Variants in BMAL1 observed in about 807,000 individuals in gnomAD.
The protein encoded by BMAL1 is basic helix-loop-helix ARNT like 1.
chr11:13,336,375 A>G, the BMAL1 span, among the ~76,000 whole-genome samples: 1 of 152,108 alleles, frequency 6.6e-6, no homozygotes, highest in Admixed American at 6.5e-5. Flanking sequence ...CTCTTTACTA[A>G]GTTTGTTTTG....
the BMAL1 span, among the ~76,000 whole-genome samples, chr11:13,314,965 A>G: frequency 6.6e-5 from 10 of 151,648 alleles, no homozygotes; most frequent in African/African-American, 2.4e-4. Context: ...TAGCATATAA[A>G]CTCTCCTGTT....
chr11:13,311,306 G>A, the BMAL1 span, among the ~76,000 whole-genome samples: 2 of 152,180 alleles, frequency 1.3e-5, no homozygotes, highest in Non-Finnish European at 2.9e-5. Flanking sequence ...GGGCTGAGCT[G>A]TGGGGAATAT....
the BMAL1 span, among the ~76,000 whole-genome samples, chr11:13,280,473 A>G: frequency 6.6e-6 from 1 of 152,260 alleles, no homozygotes; most frequent in Non-Finnish European, 1.5e-5. Context: ...GTTATAATGT[A>G]TCTGAGCTTT....
chr11:13,319,247 A>G, the BMAL1 span, among the ~76,000 whole-genome samples: 4 of 152,212 alleles, frequency 2.6e-5, no homozygotes, highest in African/African-American at 9.7e-5. Flanking sequence ...TTCGTTTTGT[A>G]TTGATAGACA....
chr11:13,339,533 A>G, the BMAL1 span, among the ~76,000 whole-genome samples: 1 of 151,948 alleles, frequency 6.6e-6, no homozygotes, highest in Non-Finnish European at 1.5e-5. Flanking sequence ...CTCAGAGTCA[A>G]GGCCAAGATC....
the BMAL1 span, among the ~76,000 whole-genome samples, chr11:13,320,453 G>C: frequency 6.6e-6 from 1 of 152,276 alleles, no homozygotes; most frequent in East Asian, 1.9e-4. Context: ...AGACAGACCT[G>C]GGTTCAAATC....
the BMAL1 span, among the ~76,000 whole-genome samples, chr11:13,332,139 G>A: frequency 6.6e-6 from 1 of 152,174 alleles, no homozygotes; most frequent in African/African-American, 2.4e-5. Context: ...TCAGAGGTGG[G>A]GAGGGAGGAA....
chr11:13,281,293 G>T, the BMAL1 span, among the ~76,000 whole-genome samples: 1 of 152,098 alleles, frequency 6.6e-6, no homozygotes, highest in Non-Finnish European at 1.5e-5. Flanking sequence ...ATTTACATGT[G>T]TCTTTACTTG....
chr11:13,340,021 T>C, the BMAL1 span, among the ~76,000 whole-genome samples: 3 of 152,204 alleles, frequency 2.0e-5, no homozygotes, highest in Non-Finnish European at 4.4e-5. Context: ...GTCTTCGTTA[T>C]TACAAAATTG....
the BMAL1 span, chr11:13,386,733 A>C: frequency 6.2e-7 from 1 of 1,614,130 alleles, no homozygotes; most frequent in Non-Finnish European, 8.5e-7. Context: ...TGTTGACTTT[A>C]GTGACTTGCC....
chr11:13,293,610 G>A, the BMAL1 span, among the ~76,000 whole-genome samples: 1 of 152,276 alleles, frequency 6.6e-6, no homozygotes, highest in Non-Finnish European at 1.5e-5. Flanking sequence ...ATCCTGGACA[G>A]TCTTCTCTAC....
the BMAL1 span, chr11:13,386,503 C>A: frequency 2.3e-6 from 3 of 1,303,368 alleles, no homozygotes; most frequent in South Asian, 1.9e-5. Flanking sequence ...TTAAATGTAA[C>A]TTTCTTATTA....
At chr11:13,278,263 G>A in the BMAL1 span, among the ~76,000 whole-genome samples, 2 of 152,208 alleles carry the variant, frequency 1.3e-5, no homozygotes, top group African/African-American at 2.4e-5. Flanking sequence ...GCCCTTCCGC[G>A]GGCATCGCTA....
chr11:13,379,409 C>T, the BMAL1 span: 11 of 152,150 alleles, frequency 7.2e-5, no homozygotes. Context: ...TGTTATCCCC[C>T]TATAGGTAAC....
the BMAL1 span, among the ~76,000 whole-genome samples, chr11:13,351,708 C>T: frequency 6.6e-6 from 1 of 152,110 alleles, no homozygotes; most frequent in Non-Finnish European, 1.5e-5. Flanking sequence ...GGGGATCTCC[C>T]AAGCCAAGAG....
the BMAL1 span, among the ~76,000 whole-genome samples, chr11:13,359,479 A>C: frequency 6.6e-6 from 1 of 152,246 alleles, no homozygotes; most frequent in African/African-American, 2.4e-5. Flanking sequence ...ATATTAGCAA[A>C]GATAACATGG....
chr11:13,312,740 G>A, the BMAL1 span, among the ~76,000 whole-genome samples: 2,302 of 152,246 alleles, frequency 0.015, 32 homozygotes, highest in Non-Finnish European at 0.019. Context: ...CCCCAGCATC[G>A]TAGCACAGAA....
At chr11:13,369,206 G>A in the BMAL1 span, among the ~76,000 whole-genome samples, 31 of 152,294 alleles carry the variant, frequency 2.0e-4, no homozygotes, top group South Asian at 6.4e-3. Flanking sequence ...ATCCTTCAGT[G>A]CCAGCCCAAG....
chr11:13,283,187 G>A, the BMAL1 span, among the ~76,000 whole-genome samples: 4 of 152,186 alleles, frequency 2.6e-5, no homozygotes, highest in African/African-American at 9.7e-5. Context: ...GGGATGGCTG[G>A]TCTGCCTAAT....
Sources: gnomAD v4.1 joint callset for allele counts (sites outside exome capture counted in the v4.1 genomes callset) on GRCh38, gnomAD v4.1.1 for gene constraint, MANE v1.5 for transcripts, NCBI Gene and HGNC (gene_info 2026-07-23, HGNC 2026-07-21) for gene names.